The following OSMR variants were observed in gnomAD, a reference collection of about 807,000 sequenced individuals.
OSMR encodes oncostatin-M-specific receptor subunit beta.
A neutral mutation model predicts 99.9 loss-of-function variants in OSMR; 81 were observed. The ratio of observed to expected loss-of-function variants is 0.81; its 90% CI spans 0.68 to 0.97. The LOEUF is 0.97. Ranked by LOEUF, OSMR falls within the 50% of genes least tolerant of loss-of-function variation. The pLI, the probability that OSMR is intolerant of heterozygous loss-of-function variation, is 0.00. For synonymous variants in OSMR, 406 were observed against 410.4 expected, an observed-to-expected ratio of 0.99 and a Z score of 0.13; for missense variants, 1,099 against 1,153.4, an observed-to-expected ratio of 0.95 and a Z score of 0.68.
chr5:38,852,717 C>CTTTTT (rs1740491359), intron 1 of OSMR, among the ~76,000 whole-genome samples: 1 of 57,430 alleles, frequency 1.7e-5, no homozygotes, highest in Admixed American at 2.3e-4. Flanking sequence ...CTATTGTTTT[C>CTTTTT]ATTTTTTTTT....
intron 1 of OSMR, among the ~76,000 whole-genome samples, chr5:38,867,683 T>A (rs1201911554): frequency 6.6e-6 from 1 of 152,248 alleles, no homozygotes; most frequent in Non-Finnish European, 1.5e-5. Flanking sequence ...TTACAATTCT[T>A]TTCTAAGGAA....
At chr5:38,895,827 A>G (rs910870551) in intron 7 of OSMR, among the ~76,000 whole-genome samples, 17 of 152,022 alleles carry the variant, frequency 1.1e-4, no homozygotes, top group Non-Finnish European at 1.0e-4. Flanking sequence ...TTGATTTTTT[A>G]TGTGGCTAGA....
intron 6 of OSMR, 104 bp from the exon 7 acceptor site, chr5:38,885,935 T>TTG: frequency 6.6e-7 from 1 of 1,517,926 alleles, no homozygotes; most frequent in East Asian, 2.4e-5. Context: ...ATGGGGAACA[T>TTG]AGTTTGACAG....
Position 38,924,424 on chromosome 5 carries a change from C to A in OSMR, c.1873C>A (p.Pro625Thr). 1 of 1,614,114 alleles carries A rather than the reference C, an allele frequency of 6.2e-7. No individual in the cohort carries two copies. The highest frequency in any genetic ancestry group is 1.1e-5 in the South Asian group (1 of 91,070). Residue 625 changes from proline to threonine, a missense_variant and splice_region_variant, in exon 14 of 18, where the codon CCT (proline) becomes ACT (threonine). Coordinates refer to ENST00000274276, the MANE Select transcript of OSMR (RefSeq NM_003999.3). ...KKTGYSQELA[P>T]SDNPHVLVDT... Reference sequence around the variant, plus strand: ...CTTATCCCAACTTCTTTTCCTAGCTCCTTCAGACAACCCTCACGTGCTGGT... The same window carrying A: ...CTTATCCCAACTTCTTTTCCTAGCTACTTCAGACAACCCTCACGTGCTGGT...
At chr5:38,881,466 G>GC in intron 3 of OSMR, 127 bp from the exon 4 acceptor site, 1 of 1,577,414 alleles carries the variant, frequency 6.3e-7, no homozygotes, top group Non-Finnish European at 8.6e-7. Flanking sequence ...AGCAGAAGTG[G>GC]AATTCACTGG....
downstream of OSMR, chr5:38,938,068 T>C (rs980450692): frequency 3.4e-5 from 7 of 204,588 alleles, no homozygotes; most frequent in Middle Eastern, 1.6e-3. Flanking sequence ...GCAAAACCAT[T>C]TGGGGACAAA....
At chr5:38,847,109 A>G (rs1036530923) in intron 1 of OSMR, among the ~76,000 whole-genome samples, 1 of 152,250 alleles carries the variant, frequency 6.6e-6, no homozygotes, top group Non-Finnish European at 1.5e-5. Flanking sequence ...CTATGAAGGC[A>G]GAGAAGATAG....
chr5:38,890,595 G>GC lies in OSMR; in HGVS notation c.991+4410dup, dbSNP rs201285087. Among the ~76,000 whole-genome samples the GC allele has an allele frequency of 2.8e-3, 407 of 143,632 alleles. 1 individual carries two copies. Among genetic ancestry groups the GC allele is most frequent in the African/African-American group, 0.011 (394 of 36,156 alleles). 94.2% of individuals were successfully genotyped at this position (143,632 alleles called of 152,430 possible). The stretch of plus-strand genomic sequence containing the variant: ...GCCACAGAGCTGTTGTAATTTGAAA[G>GC]CCCCCTCTTTTTTTTTTTTTTGTCT... On this transcript the variant is annotated intron_variant, in intron 7 of 17. Coordinates refer to ENST00000274276, the MANE Select transcript of OSMR (RefSeq NM_003999.3).
chr5:38,913,836 C>T (rs1439955600), intron 9 of OSMR, among the ~76,000 whole-genome samples: 1 of 152,190 alleles, frequency 6.6e-6, no homozygotes, highest in African/African-American at 2.4e-5. Context: ...CTTACAAGAA[C>T]GTTTTTGCAC....
chr5:38,896,535 A>G (rs1744529722), intron 7 of OSMR, among the ~76,000 whole-genome samples: 1 of 152,052 alleles, frequency 6.6e-6, no homozygotes, highest in Admixed American at 6.6e-5. Flanking sequence ...ATCAGTTCTA[A>G]TAGTTTCTTG....
At chr5:38,922,613 G>A (rs1187277863) in intron 12 of OSMR, among the ~76,000 whole-genome samples, 1 of 152,198 alleles carries the variant, frequency 6.6e-6, no homozygotes, top group Non-Finnish European at 1.5e-5. Flanking sequence ...GAACACTGCA[G>A]AGGCCAGTCC....
At chr5:38,848,782 T>G (rs559723105) in intron 1 of OSMR, among the ~76,000 whole-genome samples, 1 of 152,304 alleles carries the variant, frequency 6.6e-6, no homozygotes, top group South Asian at 2.1e-4. Flanking sequence ...GTTATTCTTT[T>G]TGTGTGTGTG....
At chr5:38,869,431 T>A (rs1579662639) in intron 2 of OSMR, among the ~76,000 whole-genome samples, 1 of 152,228 alleles carries the variant, frequency 6.6e-6, no homozygotes, top group South Asian at 2.1e-4. Context: ...CAGACCATCA[T>A]CGAAGTAGTT....
intron 8 of OSMR, 84 bp downstream of exon 8, chr5:38,904,108 C>G: frequency 6.4e-7 from 1 of 1,574,284 alleles, no homozygotes; most frequent in Non-Finnish European, 8.6e-7. Context: ...TCACTTTAAA[C>G]TCTTATTTCT....
rs928692673 is a variant in OSMR at position 38,868,980 on chromosome 5, C to A, written c.-13-52C>A. On this transcript the variant is annotated intron_variant, in intron 1 of 17. Transcript: ENST00000274276. ...ACCACAATTGGCTCGAAGAAATTTGCCAGTATTGAAAATTAAATAAAATTT... is the reference window on the plus strand; with the variant it reads ...ACCACAATTGGCTCGAAGAAATTTGACAGTATTGAAAATTAAATAAAATTT... 2.5e-6 allele frequency: 4 copies of A among 1,590,592 alleles called. No individual in the cohort carries two copies. The African/African-American group carries it at 5.5e-5, about 22-fold the overall frequency.
chr5:38,907,616 T>A (rs543504563), intron 9 of OSMR, among the ~76,000 whole-genome samples: 227 of 152,296 alleles, frequency 1.5e-3, no homozygotes, highest in African/African-American at 5.2e-3. Context: ...CCACACTAGC[T>A]GGAGTTGCAG....
rs188369185 is a variant in OSMR at position 38,932,680 on chromosome 5, G to A, written c.2367+145G>A. ...CTTTGCACCCACAGCCATGAAATAG[G>A]TGATTGGAGCTTTGATTTCTTCTGT... On this transcript the variant is annotated intron_variant, in intron 17 of 17. Coordinates refer to ENST00000274276, the MANE Select transcript of OSMR (RefSeq NM_003999.3). 369 of 1,531,210 alleles carry A rather than the reference G, an allele frequency of 2.4e-4. 4 individuals are homozygous for A. In the East Asian group the frequency reaches 8.9e-3, roughly 37 times the overall value. 94.9% of individuals were successfully genotyped at this position (1,531,210 alleles called of 1,614,324 possible). A position where few individuals can be genotyped will look rare whatever the true frequency, so the allele number is the denominator to read the frequency against.
At chr5:38,900,135 G>C (rs750693879) in intron 7 of OSMR, among the ~76,000 whole-genome samples, 14 of 152,160 alleles carry the variant, frequency 9.2e-5, no homozygotes, top group Non-Finnish European at 1.8e-4. Flanking sequence ...TCATCTGAAT[G>C]CTCCCTCTGT....
intron 7 of OSMR, among the ~76,000 whole-genome samples, chr5:38,887,154 T>G (rs1365882815): frequency 6.6e-6 from 1 of 152,206 alleles, no homozygotes; most frequent in Non-Finnish European, 1.5e-5. Flanking sequence ...TGATACTGAT[T>G]GTTGTCCATT....
Sources: allele counts gnomAD v4.1 joint callset (sites outside exome capture counted in the v4.1 genomes callset), GRCh38; gene constraint gnomAD v4.1.1; transcripts MANE v1.5; gene names NCBI Gene and HGNC (gene_info 2026-07-23, HGNC 2026-07-21).